The following PKD1L3 variants were observed in gnomAD, a reference collection of about 807,000 sequenced individuals.
The protein encoded by PKD1L3 is polycystin-1-like protein 3.
In PKD1L3, 239 loss-of-function variants were observed where a neutral mutation model predicts 184.1. That is an observed-to-expected ratio of 1.30 (90% CI 1.17 to 1.45). The LOEUF (loss-of-function observed/expected upper bound fraction) is 1.45. Among genes scored for constraint, PKD1L3 ranks in the 40% most tolerant of loss-of-function variants. PKD1L3 has a pLI of 0.00. For missense variants in PKD1L3, 2,660 were observed against 2,067.2 expected (o/e 1.29, Z -5.56); for synonymous variants, 996 against 778.8 (o/e 1.28, Z -4.64).
At chr16:71,961,947 G>A (rs2039296440) in intron 16 of PKD1L3, among the ~76,000 whole-genome samples, 1 of 152,180 alleles carries the variant, frequency 6.6e-6, no homozygotes, top group African/African-American at 2.4e-5. Context: ...AGGACGTGGT[G>A]TTTGGTTGAT....
chr16:71,952,499 G>A (rs1399777306), intron 18 of PKD1L3, among the ~76,000 whole-genome samples: 8 of 150,348 alleles, frequency 5.3e-5, no homozygotes, highest in Non-Finnish European at 7.4e-5. Flanking sequence ...GATTACAGGC[G>A]TGAGCCACCG....
rs1043958388 is a variant in PKD1L3 at position 71,933,451 on chromosome 16, CCAA to C, written c.4892_4894del (p.Val1631del). 18 of 1,550,546 alleles carry C rather than the reference CCAA, an allele frequency of 1.2e-5. No individual in the cohort carries two copies. In the Admixed American group the frequency reaches 1.2e-4, roughly 10 times the overall value. On this transcript the variant is annotated inframe_deletion, in exon 28 of 30. Transcript: ENST00000620267. Reference sequence around the variant, plus strand: ...TTGGTGAGAAATTCCCATCAGGAGACCAACAACAGTCACTGCTGAGCTGAAAAA... The same window carrying C: ...TTGGTGAGAAATTCCCATCAGGAGACCAACAGTCACTGCTGAGCTGAAAAA...
chr16:71,991,584 T>C (rs113600077), intron 3 of PKD1L3, among the ~76,000 whole-genome samples: 2 of 152,076 alleles, frequency 1.3e-5, no homozygotes, highest in African/African-American at 2.4e-5. Context: ...GGGTGATAAA[T>C]ACGAAACCAT....
In PKD1L3 at chr16:71,967,171, G is replaced by A; in HGVS notation, c.2431C>T (p.Leu811Phe). The A allele has an allele frequency of 6.4e-7, 1 of 1,551,700 alleles. No homozygotes were observed. The highest frequency in any genetic ancestry group is 1.4e-5 in the African/African-American group (1 of 73,172). The change falls in exon 15 of 30, where the codon CTC becomes TTC. Residue 811 changes from leucine (L) to phenylalanine (F), a missense_variant. Transcript: ENST00000620267. ...CTGACGCCAGAATTGTCATGCCAGA[G>A]CCGAAGGCTGTGCAGGTTCCCTAGA... is the stretch of plus-strand genomic sequence containing the variant. ...TSLGNLHSLRLWHDNSGVSPS... is the reference protein window; with the variant it reads ...TSLGNLHSLRFWHDNSGVSPS...
At chr16:71,967,451 C>T in intron 14 of PKD1L3, 136 bp from the exon 15 acceptor site, 1 of 875,732 alleles carries the variant, frequency 1.1e-6, no homozygotes, top group Non-Finnish European at 1.7e-6. Flanking sequence ...ATAGATAATT[C>T]TTCATATATG....
chr16:71,967,379 TAAGG>T, intron 14 of PKD1L3, 64 bp from the exon 15 acceptor site: 1 of 1,439,494 alleles, frequency 6.9e-7, no homozygotes, highest in Non-Finnish European at 9.3e-7. Context: ...GGTTTATCCC[TAAGG>T]AGAAAGACGA....
chr16:71,952,471 G>A (rs1291962584), intron 18 of PKD1L3, among the ~76,000 whole-genome samples: 5 of 150,520 alleles, frequency 3.3e-5, no homozygotes, highest in Admixed American at 2.6e-4. Flanking sequence ...CGCCTGCCTC[G>A]GCCTCCCAAA....
chr16:71,951,180 C>G (rs1003708840), intron 19 of PKD1L3, among the ~76,000 whole-genome samples: 9 of 152,052 alleles, frequency 5.9e-5, no homozygotes, highest in Non-Finnish European at 1.2e-4. Flanking sequence ...GCTGGGATTA[C>G]AGGCGCCCGC....
At chr16:71,941,975 C>CT (rs2038377839) in intron 24 of PKD1L3, among the ~76,000 whole-genome samples, 1 of 151,754 alleles carries the variant, frequency 6.6e-6, no homozygotes, top group Non-Finnish European at 1.5e-5. Flanking sequence ...CAGCATAATA[C>CT]TTTTTAACAC....
At chr16:71,941,578 ATTCT>A (rs777456006) in intron 24 of PKD1L3, among the ~76,000 whole-genome samples, 1 of 132,446 alleles carries the variant, frequency 7.6e-6, no homozygotes, top group Non-Finnish European at 1.5e-5. Flanking sequence ...ATTCTATGAC[ATTCT>A]TTTTTTTTTT....
Position 71,934,206 on chromosome 16 carries a change from C to T in PKD1L3, c.4614-81G>A, listed in dbSNP as rs138510179. 176 of 1,323,320 alleles carry T rather than the reference C, an allele frequency of 1.3e-4. 1 individual carries two copies. The African/African-American group carries it at 1.9e-3, about 15-fold the overall frequency. The allele number at this position is 1,323,320 out of a possible 1,614,324, so 82.0% of individuals were successfully genotyped here. A position where few individuals can be genotyped will look rare whatever the true frequency, so the allele number is the denominator to read the frequency against. ...TTTCCCCAGCGCCCCTGCTGCTGAT[C>T]GTGGCAGCCCTGAGTCCTGTGAGGT... On this transcript the variant is annotated intron_variant, in intron 26 of 29. Coordinates refer to ENST00000620267, the MANE Select transcript of PKD1L3 (RefSeq NM_181536.2).
At chr16:71,998,169 C>G in intron 2 of PKD1L3, 103 bp downstream of exon 2, 1 of 1,441,054 alleles carries the variant, frequency 6.9e-7, no homozygotes, top group Non-Finnish European at 9.4e-7. Context: ...ATCCCATGGT[C>G]TAACACTCAC....
At chr16:71,974,895 G>T (rs576634186) in intron 11 of PKD1L3, among the ~76,000 whole-genome samples, 76 of 149,246 alleles carry the variant, frequency 5.1e-4, no homozygotes, top group Non-Finnish European at 8.0e-4. Flanking sequence ...AGGTGGTCAT[G>T]ACGGGAGACT....
rs1366191527 is a variant in PKD1L3, at chr16:71,949,864, C to A, written c.3537G>T (p.Leu1179Phe). The A allele has an allele frequency of 1.3e-6, 2 of 1,551,548 alleles. No homozygotes were observed. The highest frequency in any genetic ancestry group is 1.7e-4 in the Middle Eastern group (1 of 5,978). Residue 1179 changes from leucine (L) to phenylalanine (F), a missense_variant, in exon 21 of 30, where the codon TTG becomes TTT. Transcript: ENST00000620267. ...TCCAGCTGGTGGCTTGGTCTTTGCT[C>A]AATTCCAAGCTATAAAGTGCTGTAA... ...AFFTALYSLE[L>F]SKDQATSWMI... is the part of the protein sequence containing the mutation.
At chr16:71,974,692 C>A (rs1283068388) in intron 11 of PKD1L3, among the ~76,000 whole-genome samples, 1 of 152,112 alleles carries the variant, frequency 6.6e-6, no homozygotes, top group African/African-American at 2.4e-5. Context: ...AAAACAGAAA[C>A]AGAAACAAAA....
chr16:71,967,832 G>A (rs573849218), intron 14 of PKD1L3, 74 bp downstream of exon 14: 519 of 1,275,570 alleles, frequency 4.1e-4, no homozygotes, highest in Admixed American at 3.0e-4. Flanking sequence ...TGGTTGCCAG[G>A]ATATCACCAA....
chr16:71,940,444 A>T (rs1006660717), intron 24 of PKD1L3, among the ~76,000 whole-genome samples: 2 of 152,140 alleles, frequency 1.3e-5, no homozygotes, highest in Non-Finnish European at 2.9e-5. Context: ...CCAAAAAGAG[A>T]GACTTAGATA....
intron 23 of PKD1L3, 32 bp downstream of exon 23, chr16:71,943,998 G>T (rs1447652852): frequency 2.6e-6 from 4 of 1,537,126 alleles, no homozygotes; most frequent in Non-Finnish European, 1.8e-6. Flanking sequence ...AAGGTGCTGT[G>T]TTATCAGTAT....
intron 10 of PKD1L3, among the ~76,000 whole-genome samples, chr16:71,977,795 G>A (rs1041646564): frequency 1.3e-5 from 2 of 151,900 alleles, no homozygotes; most frequent in Non-Finnish European, 2.9e-5. Context: ...TTATTTTTGA[G>A]ACCAAGCATT....
Sources: gnomAD v4.1 joint callset for allele counts (sites outside exome capture counted in the v4.1 genomes callset) on GRCh38, gnomAD v4.1.1 for gene constraint, MANE v1.5 for transcripts, NCBI Gene and HGNC (gene_info 2026-07-23, HGNC 2026-07-21) for gene names.